RESF1: variants seen among roughly 807,000 people sequenced by gnomAD.
The protein encoded by RESF1 is gonad expressed transcript.
Under a neutral mutation model 134.7 loss-of-function variants are expected in RESF1, and 65 were observed. The observed-to-expected ratio is 0.48, with a 90% CI of 0.40 to 0.59. RESF1 has a LOEUF of 0.59. Among genes scored for constraint, RESF1 ranks in the 20% least tolerant of loss-of-function variants. The pLI is 0.00. For synonymous variants in RESF1, 762 were observed against 702.2 expected (o/e 1.09, Z -1.35); for missense variants, 2,274 against 2,002.7 (o/e 1.14, Z -2.59).
Position 31,984,568 on chromosome 12 carries a change from G to A in RESF1, c.3613G>A (p.Glu1205Lys), listed in dbSNP as rs757673260. Reference sequence around the variant, plus strand: ...ATCTTCAGAGGAAGAGAAACAAAAAGAGCAGTGTTCTCCTTTGGATACCAA... The same window carrying A: ...ATCTTCAGAGGAAGAGAAACAAAAAAAGCAGTGTTCTCCTTTGGATACCAA... ...NSSSEEEKQK[E>K]QCSPLDTNSC... Residue 1205 changes from glutamate (E) to lysine (K), a missense_variant, in exon 4 of 6, where the codon GAG (glutamate) becomes AAG (lysine). Physicochemically the swap from Glu to Lys is moderately conservative, Grantham distance 56. Coordinates refer to ENST00000312561, the MANE Select transcript of RESF1 (RefSeq NM_018169.4). The A allele has an allele frequency of 3.1e-6, 5 of 1,588,270 alleles. No homozygotes were observed. Among genetic ancestry groups the A allele is most frequent in the Non-Finnish European group, 4.3e-6 (5 of 1,168,952 alleles).
In RESF1 at chr12:31,985,877, T is replaced by A. The variant is rs555172231; in HGVS notation, c.4922T>A (p.Ile1641Asn). The change falls in exon 4 of 6, where the codon ATC (isoleucine) becomes AAC (asparagine). Residue 1641 changes from isoleucine to asparagine, a missense_variant. Coordinates refer to ENST00000312561, the MANE Select transcript of RESF1 (RefSeq NM_018169.4). Reference sequence around the variant, plus strand: ...CTGGAGTTTAAATTATGTCCAGATATCTTACTAAAGAATACAAACTCTGTG... The same window carrying A: ...CTGGAGTTTAAATTATGTCCAGATAACTTACTAAAGAATACAAACTCTGTG... ...NMLEFKLCPD[I>N]LLKNTNSVEE... The A allele has an allele frequency of 1.3e-6, 2 of 1,544,428 alleles. No homozygotes were observed. Among genetic ancestry groups the A allele is most frequent in the African/African-American group, 2.8e-5 (2 of 71,804 alleles).
Position 31,981,358 on chromosome 12 carries a change from A to C in RESF1, c.403A>C (p.Thr135Pro). Reference sequence around the variant, plus strand: ...TCCTGTGCATTCTCATATAGGGGCAACTGTATCTCATCAAACTGATTTTGG... The same window carrying C: ...TCCTGTGCATTCTCATATAGGGGCACCTGTATCTCATCAAACTGATTTTGG... ...RNPVHSHIGA[T>P]VSHQTDFGAN... is the part of the protein sequence containing the mutation. The change falls in exon 4 of 6, where the codon ACT becomes CCT. Residue 135 changes from threonine to proline, a missense_variant. Thr to Pro is a conservative substitution (Grantham distance 38). Transcript: ENST00000312561. 6.2e-7 allele frequency: 1 copy of C among 1,614,156 alleles called. No individual in the cohort carries two copies. Among genetic ancestry groups the C allele is most frequent in the South Asian group, 1.1e-5 (1 of 91,074 alleles).
intron 5 of RESF1, among the ~76,000 whole-genome samples, chr12:31,990,731 G>GC (rs1940077644): frequency 1.3e-5 from 2 of 152,124 alleles, no homozygotes; most frequent in African/African-American, 2.4e-5. Context: ...GAGCCACTGC[G>GC]CCCGGCCACA....
intron 2 of RESF1, among the ~76,000 whole-genome samples, chr12:31,965,473 C>T (rs770796874): frequency 6.6e-6 from 1 of 152,148 alleles, no homozygotes; most frequent in African/African-American, 2.4e-5. Flanking sequence ...CTGCTGCCCC[C>T]GCTCCCACCC....
Position 31,981,849 on chromosome 12 carries a change from T to C in RESF1, c.894T>C (p.Thr298=), listed in dbSNP as rs900976791. 1 of 1,614,108 alleles carries C rather than the reference T, an allele frequency of 6.2e-7. No individual in the cohort carries two copies. Among genetic ancestry groups the C allele is most frequent in the East Asian group, 2.2e-5 (1 of 44,882 alleles). The stretch of plus-strand genomic sequence containing the variant: ...CTTTGCAAAGTACTCAGCATATTAC[T>C]AAACACTTGTCTATGGAAGTTCCTC... The part of the protein sequence containing the change: ...SQPLQSTQHI[T]KHLSMEVPQS... The change falls in exon 4 of 6, where the codon ACT becomes ACC. Residue 298 remains threonine, a synonymous_variant. Transcript: ENST00000312561.
chr12:31,978,763 G>A (rs545597592), intron 3 of RESF1, among the ~76,000 whole-genome samples: 2 of 140,860 alleles, frequency 1.4e-5, no homozygotes, highest in Admixed American at 7.5e-5. Flanking sequence ...GGGTTTCACC[G>A]TGTTGGCCAG....
chr12:31,985,634 A>T lies in RESF1; in HGVS notation c.4679A>T (p.Asn1560Ile). 6.2e-7 allele frequency: 1 copy of T among 1,611,884 alleles called. No individual in the cohort carries two copies. Among genetic ancestry groups the T allele is most frequent in the Non-Finnish European group, 8.5e-7 (1 of 1,179,464 alleles). ...AAGACTAAATTAGACAAATTAACCA[A>T]TATAAGCAACGAAGCTCAATTCAGC... ...IDKTKLDKLTNISNEAQFSQM... is the reference protein window; with the variant it reads ...IDKTKLDKLTIISNEAQFSQM... The change falls in exon 4 of 6, where the codon AAT (asparagine) becomes ATT (isoleucine). Residue 1560 changes from asparagine (N) to isoleucine (I), a missense_variant. Coordinates refer to ENST00000312561, the MANE Select transcript of RESF1 (RefSeq NM_018169.4).
chr12:31,991,988 C>A (rs879641036), intron 5 of RESF1, among the ~76,000 whole-genome samples: 7 of 152,190 alleles, frequency 4.6e-5, no homozygotes, highest in Non-Finnish European at 7.3e-5. Flanking sequence ...AATATGAAAC[C>A]TATCCTTTTC....
intron 3 of RESF1, among the ~76,000 whole-genome samples, chr12:31,978,549 T>C (rs908341651): frequency 6.6e-6 from 1 of 151,912 alleles, no homozygotes; most frequent in Non-Finnish European, 1.5e-5. Context: ...TTTTTTTGTT[T>C]TTTGTTTTTT....
intron 3 of RESF1, among the ~76,000 whole-genome samples, chr12:31,979,335 T>G (rs1393026373): frequency 2.6e-5 from 4 of 152,158 alleles, no homozygotes; most frequent in Non-Finnish European, 5.9e-5. Flanking sequence ...CTACCTGATG[T>G]TACCATCAGA....
In RESF1 at chr12:31,983,739, A is replaced by G; in HGVS notation, c.2784A>G (p.Leu928=). Residue 928 remains leucine (L), a synonymous_variant, in exon 4 of 6, where the codon CTA becomes CTG. Transcript: ENST00000312561. The part of the protein sequence containing the change: ...LKMVEPQKPS[L]PNQQGIGSRE... Reference sequence around the variant, plus strand: ...TGGTTGAGCCACAGAAACCTTCTCTACCCAATCAGCAAGGGATTGGCAGCA... The same window carrying G: ...TGGTTGAGCCACAGAAACCTTCTCTGCCCAATCAGCAAGGGATTGGCAGCA... 1 of 1,613,828 alleles carries G rather than the reference A, an allele frequency of 6.2e-7. No individual in the cohort carries two copies. Among genetic ancestry groups the G allele is most frequent in the Non-Finnish European group, 8.5e-7 (1 of 1,180,000 alleles).
chr12:31,970,380 C>T (rs1321564052), intron 3 of RESF1, 24 bp downstream of exon 3: 5 of 152,206 alleles, frequency 3.3e-5, no homozygotes, highest in Non-Finnish European at 5.9e-5. Flanking sequence ...TTTTCTTTCA[C>T]CTCACTGGAA....
chr12:31,965,079 C>T (rs559592306), intron 2 of RESF1, among the ~76,000 whole-genome samples: 3 of 152,114 alleles, frequency 2.0e-5, no homozygotes, highest in African/African-American at 4.8e-5. Context: ...GCCTCAGCCT[C>T]CAAAGTAGCT....
At chr12:31,990,579 G>C (rs956474442) in intron 5 of RESF1, among the ~76,000 whole-genome samples, 3 of 152,086 alleles carry the variant, frequency 2.0e-5, no homozygotes, top group African/African-American at 7.2e-5. Context: ...TCAGCCTCCT[G>C]AGTAGCGTGA....
chr12:31,987,943 C>G (rs562748652), intron 5 of RESF1, among the ~76,000 whole-genome samples: 1 of 152,174 alleles, frequency 6.6e-6, no homozygotes, highest in South Asian at 2.1e-4. Flanking sequence ...CCGTGTTGGC[C>G]AGGCCGGTCC....
intron 4 of RESF1, among the ~76,000 whole-genome samples, chr12:31,986,693 A>G (rs1229117016): frequency 6.6e-6 from 1 of 152,204 alleles, no homozygotes; most frequent in Non-Finnish European, 1.5e-5. Context: ...GACATAGTGG[A>G]TATTATATGT....
At position 31,980,881 on chromosome 12, in the gene RESF1, C is replaced by T; in HGVS notation, c.-75C>T. 9.3e-7 allele frequency: 1 copy of T among 1,074,136 alleles called. No individual in the cohort carries two copies. The highest frequency in any genetic ancestry group is 2.5e-5 in the East Asian group (1 of 40,720). 66.5% of individuals were successfully genotyped at this position (1,074,136 alleles called of 1,614,324 possible). A position where few individuals can be genotyped will look rare whatever the true frequency, so the allele number is the denominator to read the frequency against. Reference sequence around the variant, plus strand: ...AAAATATCTTTATTTCTTACAGATTCCTGACATTCAGACAACTGACTTGTA... The same window carrying T: ...AAAATATCTTTATTTCTTACAGATTTCTGACATTCAGACAACTGACTTGTA... On this transcript the variant is annotated 5_prime_UTR_variant, in exon 4 of 6. Transcript: ENST00000312561.
chr12:31,981,411 A>G lies in RESF1; in HGVS notation c.456A>G (p.Leu152=). The part of the protein sequence containing the change: ...FGANVPNMPA[L]QSQLITSDTY... Reference sequence around the variant, plus strand: ...CTAACGTACCCAATATGCCGGCACTACAGAGTCAACTGATAACATCAGATA... The same window carrying G: ...CTAACGTACCCAATATGCCGGCACTGCAGAGTCAACTGATAACATCAGATA... Residue 152 remains leucine, a synonymous_variant, in exon 4 of 6, where the codon CTA becomes CTG. Coordinates refer to ENST00000312561, the MANE Select transcript of RESF1 (RefSeq NM_018169.4). The G allele has an allele frequency of 1.2e-6, 2 of 1,614,098 alleles. No homozygotes were observed. Among genetic ancestry groups the G allele is most frequent in the Non-Finnish European group, 1.7e-6 (2 of 1,179,964 alleles).
chr12:31,969,201 C>T (rs914071104), intron 2 of RESF1, among the ~76,000 whole-genome samples: 2 of 152,130 alleles, frequency 1.3e-5, no homozygotes, highest in African/African-American at 4.8e-5. Context: ...CTCAGCCTCT[C>T]AGCATGCTGA....
Sources: gnomAD v4.1 joint callset for allele counts (sites outside exome capture counted in the v4.1 genomes callset) on GRCh38, gnomAD v4.1.1 for gene constraint, MANE v1.5 for transcripts, NCBI Gene and HGNC (gene_info 2026-07-23, HGNC 2026-07-21) for gene names.